TGDS: variants seen among roughly 807,000 people sequenced by gnomAD.
TGDS encodes TDP-glucose 4,6-dehydratase.
Under a neutral mutation model 52.3 loss-of-function variants are expected in TGDS, and 47 were observed. That is an observed-to-expected ratio of 0.90 (90% CI 0.71 to 1.15). The LOEUF (loss-of-function observed/expected upper bound fraction) is 1.15, where lower values mean the gene tolerates loss of function less well. Ranked by LOEUF, TGDS falls within the 50% of genes most tolerant of loss-of-function variation. TGDS has a pLI of 0.00. For missense variants in TGDS, 375 were observed against 418.4 expected (o/e 0.90, Z 0.90); for synonymous variants, 115 against 136.9 (o/e 0.84, Z 1.12).
chr13:94,579,019 TTCATCAGACAGTTGGTC>T lies in TGDS; in HGVS notation c.616-263_616-247del, dbSNP rs563256063. ...ATAGGGGAAAAATGCAGAAAAAGTC[TTCATCAGACAGTTGGTC>T]TCATCATAAAGCTCACCTGTGTGCT... On this transcript the variant is annotated intron_variant, in intron 7 of 11. Transcript: ENST00000261296. Among the ~76,000 whole-genome samples, 40 of 152,318 alleles carry T rather than the reference TTCATCAGACAGTTGGTC, an allele frequency of 2.6e-4. 1 individual carries two copies. In the South Asian group the frequency reaches 7.9e-3, roughly 30 times the overall value.
At chr13:94,593,796 T>G in intron 2 of TGDS, 45 bp downstream of exon 2, 2 of 1,271,280 alleles carry the variant, frequency 1.6e-6, no homozygotes, top group Non-Finnish European at 2.2e-6. Context: ...AAACATAAAT[T>G]GAAATGTAAT....
chr13:94,595,977 A>T, intron 1 of TGDS, 74 bp downstream of exon 1: 1 of 1,577,350 alleles, frequency 6.3e-7, no homozygotes. Context: ...CAAATTACCT[A>T]GGGCAAGCAG....
chr13:94,590,995 T>C, intron 3 of TGDS, 52 bp from the exon 4 acceptor site: 1 of 1,312,294 alleles, frequency 7.6e-7, no homozygotes, highest in Non-Finnish European at 1.1e-6. Context: ...AGCACTCTCA[T>C]TCATAACCAT....
chr13:94,587,418 A>T (rs1424753468), intron 4 of TGDS, among the ~76,000 whole-genome samples: 1 of 152,164 alleles, frequency 6.6e-6, no homozygotes. Flanking sequence ...TGGTATAAAG[A>T]ATTATTATAA....
In TGDS at chr13:94,579,663, A is replaced by C. The variant is rs1888719402; in HGVS notation, c.615+231T>G. ...ATATCATTCTCATTGGATCTTTCAA[A>C]ATCCCTGCTAAGTGGTGAAGCCAGC... On this transcript the variant is annotated intron_variant, in intron 7 of 11. Coordinates refer to ENST00000261296, the MANE Select transcript of TGDS (RefSeq NM_014305.4). 1.0e-5 allele frequency: 4 copies of C among 387,574 alleles called. No individual in the cohort carries two copies. In the East Asian group the frequency reaches 1.8e-4, roughly 17 times the overall value. 24.0% of individuals were successfully genotyped at this position (387,574 alleles called of 1,614,324 possible).
intron 3 of TGDS, among the ~76,000 whole-genome samples, chr13:94,591,562 C>G (rs1173639038): frequency 6.6e-6 from 1 of 152,196 alleles, no homozygotes; most frequent in South Asian, 2.1e-4. Flanking sequence ...CACTGCACTC[C>G]AGCCTGGGTG....
chr13:94,587,594 T>C (rs1008727291), intron 4 of TGDS, among the ~76,000 whole-genome samples: 2 of 152,178 alleles, frequency 1.3e-5, no homozygotes, highest in South Asian at 4.1e-4. Context: ...TTGAGTCAAA[T>C]TGATATGGGT....
chr13:94,574,887 GA>G (rs781378783), intron 11 of TGDS, 35 bp from the exon 12 acceptor site: 4 of 733,596 alleles, frequency 5.5e-6, no homozygotes, highest in African/African-American at 7.5e-5. Context: ...AAAAAAAAAA[GA>G]AAAGAAAGAA....
chr13:94,590,268 T>C (rs954081601), intron 4 of TGDS, among the ~76,000 whole-genome samples: 1 of 149,144 alleles, frequency 6.7e-6, no homozygotes, highest in Non-Finnish European at 1.5e-5. Flanking sequence ...TTAAGCTGTA[T>C]TGTTTAGGGA....
At chr13:94,593,789 CAT>C (rs939621558) in intron 2 of TGDS, 50 bp downstream of exon 2, 6 of 1,260,082 alleles carry the variant, frequency 4.8e-6, no homozygotes, top group Non-Finnish European at 6.8e-6. Context: ...TTTTAGAAAA[CAT>C]AAATTGAAAT....
At chr13:94,594,059 C>G in intron 1 of TGDS, 152 bp from the exon 2 acceptor site, 1 of 534,774 alleles carries the variant, frequency 1.9e-6, no homozygotes, top group Non-Finnish European at 3.3e-6. Context: ...TAAATATACA[C>G]ACATGCAAAC....
In TGDS at chr13:94,576,409, G is replaced by A. The variant is rs1888604321; in HGVS notation, c.887C>T (p.Pro296Leu). The change falls in exon 11 of 12, where the codon CCC (proline) becomes CTC (leucine). Residue 296 changes from proline (P) to leucine (L), a missense_variant and splice_region_variant. Transcript: ENST00000261296. Reference sequence around the variant, plus strand: ...CATTGGGTATCTCATGTCATTGGTGGGTCTTGGAAAACAAAACAGATTTAA... The same window carrying A: ...CATTGGGTATCTCATGTCATTGGTGAGTCTTGGAAAACAAAACAGATTTAA... ...ENWVDYVNDR[P>L]TNDMRYPMKS... 2.5e-6 allele frequency: 4 copies of A among 1,574,444 alleles called. No individual in the cohort carries two copies. The highest frequency in any genetic ancestry group is 1.7e-4 in the Middle Eastern group (1 of 5,902).
chr13:94,593,852 T>A lies in TGDS; in HGVS notation c.142A>T (p.Asn48Tyr). The change falls in exon 2 of 12, where the codon AAT (asparagine) becomes TAT (tyrosine). Residue 48 changes from asparagine to tyrosine, a missense_variant. By Grantham distance (143) the Asn-to-Tyr change is moderately radical. Coordinates refer to ENST00000261296, the MANE Select transcript of TGDS (RefSeq NM_014305.4). ...VEDYPNYMIINLDKLDYCASL... is the reference protein window; with the variant it reads ...VEDYPNYMIIYLDKLDYCASL... ...TTTATAAAACTCACCTTGTCTAGAT[T>A]TATGATCATATAGTTTGGATAATCT... is the stretch of plus-strand genomic sequence containing the variant. The A allele has an allele frequency of 6.4e-7, 1 of 1,574,198 alleles. No homozygotes were observed. The highest frequency in any genetic ancestry group is 2.3e-5 in the East Asian group (1 of 44,172).
chr13:94,593,762 TGAC>T (rs1301368225), intron 2 of TGDS, 76 bp downstream of exon 2: 1 of 1,054,634 alleles, frequency 9.5e-7, no homozygotes, highest in Non-Finnish European at 1.4e-6. Context: ...AATATCAGCA[TGAC>T]AAGATTCTAG....
chr13:94,591,396 C>T (rs1322120590), intron 3 of TGDS, among the ~76,000 whole-genome samples: 1 of 152,164 alleles, frequency 6.6e-6, no homozygotes, highest in Non-Finnish European at 1.5e-5. Flanking sequence ...AGTTTGTGAC[C>T]AGCCTGGCCA....
chr13:94,595,996 G>A, intron 1 of TGDS, 55 bp downstream of exon 1: 1 of 1,605,224 alleles, frequency 6.2e-7, no homozygotes, highest in African/African-American at 1.3e-5. Context: ...AGAGCTGCGG[G>A]AAAAGGTAGG....
intron 11 of TGDS, among the ~76,000 whole-genome samples, chr13:94,576,020 T>A (rs74104444): frequency 0.022 from 3,325 of 152,270 alleles, 128 homozygotes; most frequent in African/African-American, 0.074. Flanking sequence ...ATTATAAAAA[T>A]ACATACCTTT....
In TGDS at chr13:94,578,726, A is replaced by G. The variant is rs1888688360; in HGVS notation, c.659+4T>C. The G allele has an allele frequency of 5.2e-6, 8 of 1,529,474 alleles. No homozygotes were observed. Among genetic ancestry groups the G allele is most frequent in the African/African-American group, 2.7e-5 (2 of 72,992 alleles). The allele number at this position is 1,529,474 out of a possible 1,614,324, so 94.7% of individuals were successfully genotyped here. A position where few individuals can be genotyped will look rare whatever the true frequency, so the allele number is the denominator to read the frequency against. On this transcript the variant is annotated splice_donor_region_variant and intron_variant, in intron 8 of 11. Coordinates refer to ENST00000261296, the MANE Select transcript of TGDS (RefSeq NM_014305.4). ...ATATGGGTAAAAAGGTAATAATAAC[A>G]TACCATTTCCTGTTGTGCTGTAGCA...
intron 4 of TGDS, among the ~76,000 whole-genome samples, chr13:94,589,472 G>A (rs1305639782): frequency 6.6e-6 from 1 of 151,720 alleles, no homozygotes; most frequent in Non-Finnish European, 1.5e-5. Context: ...CTGTCACCAC[G>A]CCCGGCTAAT....
Sources: gnomAD v4.1 joint callset for allele counts (sites outside exome capture counted in the v4.1 genomes callset) on GRCh38, gnomAD v4.1.1 for gene constraint, MANE v1.5 for transcripts, NCBI Gene and HGNC (gene_info 2026-07-23, HGNC 2026-07-21) for gene names.